Variants in CDC25A observed in about 807,000 individuals in gnomAD.
CDC25A encodes the protein M-phase inducer phosphatase 1.
CDC25A carries 17 observed loss-of-function variants against 64.6 expected under a neutral mutation model. The ratio of observed to expected loss-of-function variants is 0.26; its 90% CI spans 0.18 to 0.39. The LOEUF (loss-of-function observed/expected upper bound fraction) is 0.39. CDC25A is among the 10% of genes least tolerant of loss of function. CDC25A has a pLI of 1.00. For synonymous variants in CDC25A, 229 were observed against 238.6 expected, an observed-to-expected ratio of 0.96 and a Z score of 0.37; for missense variants, 473 against 654.8, an observed-to-expected ratio of 0.72 and a Z score of 3.03.
rs1245330538 is a variant in CDC25A at position 48,188,040 on chromosome 3, C to T, written c.-93G>A. 10 of 1,082,016 alleles carry T rather than the reference C, an allele frequency of 9.2e-6. No individual in the cohort carries two copies. The highest frequency in any genetic ancestry group is 4.4e-5 in the Admixed American group (1 of 22,860). 67.0% of individuals were successfully genotyped at this position (1,082,016 alleles called of 1,614,324 possible). On this transcript the variant is annotated 5_prime_UTR_variant, in exon 1 of 15. Coordinates refer to ENST00000302506, the MANE Select transcript of CDC25A (RefSeq NM_001789.3). The stretch of plus-strand genomic sequence containing the variant: ...GCCGACACCGGCCTCGGCCGCGCGC[C>T]ACCGGCGCCCGCGGGTCAAACACAA...
At chr3:48,176,531 G>GTATATATATATATA (rs55938075) in intron 8 of CDC25A, among the ~76,000 whole-genome samples, 29 of 138,118 alleles carry the variant, frequency 2.1e-4, no homozygotes, top group African/African-American at 6.1e-4. Flanking sequence ...GTGTGTGTGA[G>GTATATATATATATA]TATATATATA....
At chr3:48,161,938 G>A (rs981127858) in intron 13 of CDC25A, among the ~76,000 whole-genome samples, 1 of 152,078 alleles carries the variant, frequency 6.6e-6, no homozygotes, top group Non-Finnish European at 1.5e-5. Flanking sequence ...GCATGCACCC[G>A]TAGTCCCAGC....
chr3:48,180,873 T>A, intron 5 of CDC25A, 33 bp from the exon 6 acceptor site: 4 of 1,610,844 alleles, frequency 2.5e-6, no homozygotes, highest in East Asian at 4.5e-5. Flanking sequence ...CTACTGTCCA[T>A]GAAAACCAAC....
chr3:48,178,060 T>C (rs907715952), intron 6 of CDC25A, 72 bp from the exon 7 acceptor site: 9 of 1,424,132 alleles, frequency 6.3e-6, no homozygotes, highest in African/African-American at 5.7e-5. Flanking sequence ...GGGTCACTAG[T>C]TTTTATGATG....
chr3:48,178,958 G>A (rs1290299256), intron 6 of CDC25A, among the ~76,000 whole-genome samples: 1 of 152,150 alleles, frequency 6.6e-6, no homozygotes, highest in Non-Finnish European at 1.5e-5. Flanking sequence ...TAGTCCCAAT[G>A]TTATGACCTA....
chr3:48,174,766 A>T (rs1412803509), intron 8 of CDC25A: 1 of 197,248 alleles, frequency 5.1e-6, no homozygotes, highest in East Asian at 1.2e-4. Flanking sequence ...AGTCAGGAAC[A>T]CATTTTTGGC....
At chr3:48,174,147 A>C (rs147484468) in intron 9 of CDC25A, 137 bp downstream of exon 9, 92 of 729,216 alleles carry the variant, frequency 1.3e-4, no homozygotes, top group Non-Finnish European at 1.5e-4. Context: ...AAACACACAC[A>C]CACCCACACA....
chr3:48,158,917 G>A lies in CDC25A; in HGVS notation c.*28C>T. The A allele has an allele frequency of 6.2e-7, 1 of 1,613,030 alleles. No homozygotes were observed. The highest frequency in any genetic ancestry group is 1.7e-5 in the Admixed American group (1 of 59,916). ...GGTAAAGGGGGATGGAGGGAAGCTTGGGCTGCTGCTGGCTGGTCCTGCCGC... is the reference window on the plus strand; with the variant it reads ...GGTAAAGGGGGATGGAGGGAAGCTTAGGCTGCTGCTGGCTGGTCCTGCCGC... On this transcript the variant is annotated 3_prime_UTR_variant, in exon 15 of 15. Coordinates refer to ENST00000302506, the MANE Select transcript of CDC25A (RefSeq NM_001789.3).
chr3:48,183,752 G>A (rs1395881768), intron 4 of CDC25A, 48 bp downstream of exon 4: 1 of 1,214,498 alleles, frequency 8.2e-7, no homozygotes, highest in African/African-American at 1.5e-5. Context: ...TGGTAGCTAA[G>A]GAACAGATAA....
chr3:48,166,353 T>C (rs966108499), intron 10 of CDC25A, among the ~76,000 whole-genome samples: 4 of 152,198 alleles, frequency 2.6e-5, no homozygotes. Flanking sequence ...AGTTACTTCA[T>C]TAACATCCTG....
At chr3:48,167,381 A>G (rs1156984492) in intron 10 of CDC25A, among the ~76,000 whole-genome samples, 2 of 152,244 alleles carry the variant, frequency 1.3e-5, no homozygotes, top group Admixed American at 6.5e-5. Flanking sequence ...TCAGGCTATT[A>G]GAAGATCTTC....
Position 48,174,401 on chromosome 3 carries a change from T to C in CDC25A, c.813A>G (p.Ser271=). 11 of 1,613,912 alleles carry C rather than the reference T, an allele frequency of 6.8e-6. No homozygotes were observed. The highest frequency in any genetic ancestry group is 9.3e-6 in the Non-Finnish European group (11 of 1,179,914). Residue 271 remains serine (S), a synonymous_variant, in exon 9 of 15, where the codon TCA becomes TCG. Transcript: ENST00000302506. ...GAGATCGTTCTGGTCTCTTCAACAC[T>C]GACCGAGTGCTGGAGCTACACAGGG... ...SPSLCSSSTR[S]VLKRPERSQE...
Position 48,165,851 on chromosome 3 carries a change from T to G in CDC25A, c.1072A>C (p.Lys358Gln). ...CTTACAATTTCTGGAGAGATGTATT[T>G]TAAATCCTGATGTTTCCCAGCAACT... ...HTVAGKHQDL[K>Q]YISPEIMASV... The change falls in exon 11 of 15, where the codon AAA becomes CAA. Residue 358 changes from lysine to glutamine, a missense_variant. Physicochemically the swap from Lys to Gln is moderately conservative, Grantham distance 53. This residue lies in a region of CDC25A where 97 missense variants were observed against 223.0 expected (regional missense o/e 0.43). Transcript: ENST00000302506. 1 of 1,609,600 alleles carries G rather than the reference T, an allele frequency of 6.2e-7. No individual in the cohort carries two copies. The highest frequency in any genetic ancestry group is 8.5e-7 in the Non-Finnish European group (1 of 1,175,866).
At chr3:48,175,825 T>G (rs1042280961) in intron 8 of CDC25A, among the ~76,000 whole-genome samples, 2 of 152,216 alleles carry the variant, frequency 1.3e-5, no homozygotes, top group East Asian at 1.9e-4. Context: ...TAACATATTT[T>G]CTCAAAAGCT....
chr3:48,160,353 C>T (rs769204621), intron 13 of CDC25A, among the ~76,000 whole-genome samples: 3 of 150,092 alleles, frequency 2.0e-5, no homozygotes, highest in Admixed American at 6.7e-5. Flanking sequence ...TTGTGATCCA[C>T]CTGCCTTGGC....
chr3:48,163,049 A>G (rs1353619170), intron 13 of CDC25A, among the ~76,000 whole-genome samples: 15 of 152,106 alleles, frequency 9.9e-5, no homozygotes, highest in Admixed American at 9.2e-4. Flanking sequence ...TGGGAGGTCA[A>G]GGCGGGTGGA....
At chr3:48,160,257 C>T (rs926452774) in intron 13 of CDC25A, among the ~76,000 whole-genome samples, 4 of 151,540 alleles carry the variant, frequency 2.6e-5, no homozygotes, top group African/African-American at 2.4e-5. Context: ...GGACTACAGG[C>T]GCGTGCCACC....
At chr3:48,176,272 T>C (rs556682946) in intron 8 of CDC25A, among the ~76,000 whole-genome samples, 1 of 152,262 alleles carries the variant, frequency 6.6e-6, no homozygotes, top group East Asian at 1.9e-4. Flanking sequence ...CTTATCAATT[T>C]AGATGTGTAC....
At chr3:48,173,135 A>G (rs1306470292) in intron 9 of CDC25A, among the ~76,000 whole-genome samples, 1 of 146,688 alleles carries the variant, frequency 6.8e-6, no homozygotes, top group Non-Finnish European at 1.5e-5. Context: ...GGAGAATGGC[A>G]TGAACCCGGG....
Sources: allele counts gnomAD v4.1 joint callset (sites outside exome capture counted in the v4.1 genomes callset), GRCh38; gene constraint gnomAD v4.1.1; regional missense constraint gnomAD v4.1.1; transcripts MANE v1.5; gene names NCBI Gene and HGNC (gene_info 2026-07-23, HGNC 2026-07-21).